ASPH: variants seen among roughly 807,000 people sequenced by gnomAD.
ASPH encodes aspartyl/asparaginyl beta-hydroxylase.
ASPH carries 100 observed loss-of-function variants against 118.4 expected under a neutral mutation model. The observed-to-expected ratio is 0.84, with a 90% CI of 0.72 to 1.00. ASPH has a LOEUF of 1.00. Ranked by LOEUF, ASPH falls within the 50% of genes least tolerant of loss-of-function variation. The pLI is 0.00. For missense variants in ASPH, 920 were observed against 919.5 expected, an observed-to-expected ratio of 1.00 and a Z score of -0.01; for synonymous variants, 315 against 325.6, an observed-to-expected ratio of 0.97 and a Z score of 0.35.
Position 61,582,986 on chromosome 8 carries a change from C to T in ASPH, c.1062+958G>A, listed in dbSNP as rs143777854. 1.7e-3 allele frequency: 266 copies of T among 152,184 alleles called. 1 individual carries two copies. The highest frequency in any genetic ancestry group is 5.5e-3 in the African/African-American group (229 of 41,530). The allele number at this position is 152,184 out of a possible 1,614,324, so 9.4% of individuals were successfully genotyped here. On this transcript the variant is annotated intron_variant, in intron 15 of 24. Coordinates refer to ENST00000379454, the MANE Select transcript of ASPH (RefSeq NM_004318.4). ...AGATGATATGACCAAGGTAAGGGAA[C>T]GAATAACTTAAATCCAGTTTCAATT... is the stretch of plus-strand genomic sequence containing the variant.
intron 20 of ASPH, among the ~76,000 whole-genome samples, chr8:61,550,007 G>A (rs1586908474): frequency 6.6e-6 from 1 of 152,116 alleles, no homozygotes; most frequent in Admixed American, 6.6e-5. Context: ...GACACTCAAA[G>A]TAAGTAATCC....
intron 17 of ASPH, among the ~76,000 whole-genome samples, chr8:61,564,860 T>C (rs1831141564): frequency 6.6e-6 from 1 of 152,240 alleles, no homozygotes; most frequent in Non-Finnish European, 1.5e-5. Flanking sequence ...GGGCCTTGAC[T>C]CTAATCTATA....
At chr8:61,662,622 G>C (rs1347174512) in intron 3 of ASPH, among the ~76,000 whole-genome samples, 1 of 152,146 alleles carries the variant, frequency 6.6e-6, no homozygotes, top group Non-Finnish European at 1.5e-5. Context: ...GTTGGATAAA[G>C]TGTGACTTCA....
chr8:61,625,202 T>A, intron 13 of ASPH: 1 of 985,756 alleles, frequency 1.0e-6, no homozygotes. Flanking sequence ...GAGCAATTAT[T>A]TCTGAGCCCA....
chr8:61,700,452 A>G (rs1176762891), intron 1 of ASPH, among the ~76,000 whole-genome samples: 1 of 152,236 alleles, frequency 6.6e-6, no homozygotes, highest in East Asian at 1.9e-4. Flanking sequence ...TGTCCCAAAG[A>G]TGGTCAAGAT....
intron 21 of ASPH, among the ~76,000 whole-genome samples, chr8:61,545,310 T>C (rs1823429368): frequency 6.6e-6 from 1 of 152,334 alleles, no homozygotes; most frequent in Middle Eastern, 3.4e-3. Context: ...GAAGCAGGCC[T>C]TCACCAGACA....
chr8:61,700,553 A>G (rs1834995881), intron 1 of ASPH, among the ~76,000 whole-genome samples: 1 of 152,256 alleles, frequency 6.6e-6, no homozygotes, highest in South Asian at 2.1e-4. Flanking sequence ...GCATCCAGGC[A>G]GATAAAGATG....
At chr8:61,686,305 C>G (rs1475406797) in intron 1 of ASPH, among the ~76,000 whole-genome samples, 1 of 152,102 alleles carries the variant, frequency 6.6e-6, no homozygotes, top group Non-Finnish European at 1.5e-5. Context: ...TTACCTGAAA[C>G]ACAGCCATAG....
At chr8:61,702,443 C>A (rs931748240) in intron 1 of ASPH, among the ~76,000 whole-genome samples, 1 of 151,988 alleles carries the variant, frequency 6.6e-6, no homozygotes, top group Non-Finnish European at 1.5e-5. Context: ...CGCCACCACA[C>A]CCGGCTAATT....
intron 15 of ASPH, chr8:61,583,541 C>CAAA: frequency 8.9e-6 from 1 of 112,652 alleles, no homozygotes; most frequent in Non-Finnish European, 1.8e-5. Context: ...AGGCTCTGTC[C>CAAA]AAAAAAAAAA....
chr8:61,507,127 T>C (rs1806913133), intron 24 of ASPH, among the ~76,000 whole-genome samples: 1 of 152,154 alleles, frequency 6.6e-6, no homozygotes, highest in Non-Finnish European at 1.5e-5. Flanking sequence ...AGCATTCCAT[T>C]CATTAAATTA....
chr8:61,624,989 A>T, intron 13 of ASPH: 1 of 985,520 alleles, frequency 1.0e-6, no homozygotes, highest in Non-Finnish European at 1.2e-6. Flanking sequence ...TATGATCTAT[A>T]GTGATAAAAA....
At chr8:61,576,227 T>C (rs1225008386) in intron 16 of ASPH, among the ~76,000 whole-genome samples, 1 of 152,166 alleles carries the variant, frequency 6.6e-6, no homozygotes, top group Admixed American at 6.5e-5. Context: ...AGTGGGTTTA[T>C]GCAGTTACAG....
chr8:61,639,345 T>G (rs931976075), intron 10 of ASPH, among the ~76,000 whole-genome samples: 34 of 152,096 alleles, frequency 2.2e-4, no homozygotes, highest in African/African-American at 8.2e-4. Context: ...CCCGCCTGTC[T>G]TCAGACCCTG....
chr8:61,619,121 G>GA (rs1414669215), intron 13 of ASPH, 102 bp from the exon 14 acceptor site: 2 of 729,230 alleles, frequency 2.7e-6, no homozygotes, highest in African/African-American at 1.8e-5. Flanking sequence ...TATAATCAAA[G>GA]AAAAATATAT....
intron 15 of ASPH, among the ~76,000 whole-genome samples, chr8:61,579,944 C>T (rs561217835): frequency 1.1e-4 from 16 of 147,794 alleles, no homozygotes; most frequent in South Asian, 4.3e-4. Flanking sequence ...GGGAGAAATT[C>T]GCCAAAACAA....
At chr8:61,652,586 C>T (rs953493531) in intron 4 of ASPH, among the ~76,000 whole-genome samples, 1 of 152,082 alleles carries the variant, frequency 6.6e-6, no homozygotes, top group Non-Finnish European at 1.5e-5. Flanking sequence ...CTTTCAAAAT[C>T]GTGGCTGTTG....
chr8:61,625,957 A>C lies in ASPH; in HGVS notation c.935-6938T>G, dbSNP rs912389393. ...CAATATAATTATTAACCACTGTCGG[A>C]AAAACACACATAAATTCAGGTAAGA... On this transcript the variant is annotated intron_variant, in intron 13 of 24. Coordinates refer to ENST00000379454, the MANE Select transcript of ASPH (RefSeq NM_004318.4). The C allele has an allele frequency of 8.8e-6, 10 of 1,132,940 alleles. No individual in the cohort carries two copies. In the African/African-American group the frequency reaches 1.6e-4, roughly 18 times the overall value. 70.2% of individuals were successfully genotyped at this position (1,132,940 alleles called of 1,614,324 possible).
intron 22 of ASPH, among the ~76,000 whole-genome samples, chr8:61,524,799 A>G (rs1443209461): frequency 6.6e-6 from 1 of 150,860 alleles, no homozygotes; most frequent in Non-Finnish European, 1.5e-5. Flanking sequence ...AATTAGTGCT[A>G]GGATGCCTGC....
Sources: allele counts gnomAD v4.1 joint callset (sites outside exome capture counted in the v4.1 genomes callset), GRCh38; gene constraint gnomAD v4.1.1; transcripts MANE v1.5; gene names NCBI Gene and HGNC (gene_info 2026-07-23, HGNC 2026-07-21).